The following DIABLO variants were observed in gnomAD, a reference collection of about 807,000 sequenced individuals.
DIABLO encodes the protein diablo homolog, mitochondrial.
In DIABLO, 32 loss-of-function variants were observed where a neutral mutation model predicts 31.7. That is an observed-to-expected ratio of 1.01 (90% confidence interval 0.76 to 1.35). The LOEUF (loss-of-function observed/expected upper bound fraction) is 1.35, where lower values mean the gene tolerates loss of function less well. DIABLO is among the 40% of genes most tolerant of loss of function. The pLI, the probability that DIABLO is intolerant of heterozygous loss-of-function variation, is 0.00. For synonymous variants in DIABLO, 132 were observed against 103.2 expected, an observed-to-expected ratio of 1.28 and a Z score of -1.69; for missense variants, 316 against 286.4, an observed-to-expected ratio of 1.10 and a Z score of -0.75.
rs1416714731 is a variant in DIABLO at position 122,208,306 on chromosome 12, G to A, written c.*75C>T. 1.3e-6 allele frequency: 2 copies of A among 1,558,720 alleles called. No homozygotes were observed. Among genetic ancestry groups the A allele is most frequent in the Admixed American group, 3.3e-5 (2 of 59,836 alleles). On this transcript the variant is annotated 3_prime_UTR_variant, in exon 6 of 6. Coordinates refer to ENST00000464942, the MANE Select transcript of DIABLO (RefSeq NM_001371333.1). ...CTCTTCTCGGTGCACAGACAGTCAT[G>A]CCAACCCTGGGCAGGGTGGCATCTG...
Position 122,217,235 on chromosome 12 carries a change from G to A in DIABLO, c.316-366C>T, listed in dbSNP as rs145879479. The A allele has an allele frequency of 1.6e-3, 490 of 300,640 alleles. 1 individual carries two copies. Among genetic ancestry groups the A allele is most frequent in the African/African-American group, 1.0e-2 (451 of 45,224 alleles). The allele number at this position is 300,640 out of a possible 1,614,324, so 18.6% of individuals were successfully genotyped here. ...ATACGCTAAAAAATTTTTATTGGCC[G>A]GGTGCAGTGGCTCATGCCTGTAATC... On this transcript the variant is annotated intron_variant, in intron 3 of 5. Transcript: ENST00000464942.
chr12:122,208,681 G>C, intron 5 of DIABLO, 104 bp from the exon 6 acceptor site: 1 of 1,189,310 alleles, frequency 8.4e-7, no homozygotes, highest in Non-Finnish European at 1.2e-6. Flanking sequence ...AACCCCTCTT[G>C]GGGTCACTTT....
intron 5 of DIABLO, among the ~76,000 whole-genome samples, chr12:122,212,868 G>A (rs763972092): frequency 4.0e-5 from 6 of 151,844 alleles, no homozygotes; most frequent in African/African-American, 1.2e-4. Context: ...CACATGATCC[G>A]CCCACCTCAG....
In DIABLO at chr12:122,208,393, CAGGT is replaced by C. The variant is rs754515684; in HGVS notation, c.704_707del (p.Tyr235CysfsTer31). Reference sequence around the variant, plus strand: ...TGTGCTCAGGCCCTCAATCCTCACGCAGGTAGGCCTCCTGCTCCGACTCAGCCCG... The same window carrying C: ...TGTGCTCAGGCCCTCAATCCTCACGCAGGCCTCCTGCTCCGACTCAGCCCG... On this transcript the variant is annotated frameshift_variant, in exon 6 of 6. Coordinates refer to ENST00000464942, the MANE Select transcript of DIABLO (RefSeq NM_001371333.1). LOFTEE classifies it high-confidence loss of function. 4 of 1,612,526 alleles carry C rather than the reference CAGGT, an allele frequency of 2.5e-6. No homozygotes were observed. The highest frequency in any genetic ancestry group is 3.4e-6 in the Non-Finnish European group (4 of 1,180,014).
chr12:122,208,292 GCA>G lies in DIABLO; in HGVS notation c.*87_*88del, dbSNP rs765089898. On this transcript the variant is annotated 3_prime_UTR_variant, in exon 6 of 6. Transcript: ENST00000464942. The stretch of plus-strand genomic sequence containing the variant: ...GCAGGATCTGCCGCCTCTTCTCGGT[GCA>G]CAGACAGTCATGCCAACCCTGGGCA... The G allele has an allele frequency of 2.5e-5, 38 of 1,497,574 alleles. No individual in the cohort carries two copies. Among genetic ancestry groups the G allele is most frequent in the Non-Finnish European group, 2.9e-5 (32 of 1,086,982 alleles). 92.8% of individuals were successfully genotyped at this position (1,497,574 alleles called of 1,614,324 possible).
Sources: gnomAD v4.1 joint callset for allele counts (sites outside exome capture counted in the v4.1 genomes callset) on GRCh38, gnomAD v4.1.1 for gene constraint, MANE v1.5 for transcripts, NCBI Gene and HGNC (gene_info 2026-07-23, HGNC 2026-07-21) for gene names.